Variants in EPB41L4B observed in about 807,000 individuals in gnomAD.
EPB41L4B encodes band 4.1-like protein 4B.
A neutral mutation model predicts 112.5 loss-of-function variants in EPB41L4B; 30 were observed. The ratio of observed to expected loss-of-function variants is 0.27; its 90% CI spans 0.20 to 0.36. EPB41L4B has a LOEUF of 0.36. Among genes scored for constraint, EPB41L4B ranks in the 10% least tolerant of loss-of-function variants. The probability of loss-of-function intolerance (pLI) is 1.00; values close to 1 mark genes in which losing one functional copy is unlikely to be tolerated. For synonymous variants in EPB41L4B, 408 were observed against 439.7 expected, an observed-to-expected ratio of 0.93 and a Z score of 0.90; for missense variants, 1,024 against 1,133.3, an observed-to-expected ratio of 0.90 and a Z score of 1.38.
intron 18 of EPB41L4B, among the ~76,000 whole-genome samples, chr9:109,206,809 T>C (rs894860687): frequency 1.3e-5 from 2 of 152,244 alleles, no homozygotes; most frequent in African/African-American, 4.8e-5. Context: ...AAACCTCATG[T>C]CTGCTTTGCC....
intron 12 of EPB41L4B, among the ~76,000 whole-genome samples, chr9:109,252,011 T>C (rs927706690): frequency 6.6e-6 from 1 of 152,106 alleles, no homozygotes; most frequent in Non-Finnish European, 1.5e-5. Context: ...ATTAAAAGCT[T>C]GACAAAGAAG....
intron 1 of EPB41L4B, among the ~76,000 whole-genome samples, chr9:109,310,460 T>A (rs1251312543): frequency 2.0e-5 from 3 of 152,188 alleles, no homozygotes; most frequent in Admixed American, 2.0e-4. Flanking sequence ...TTGTGTTATT[T>A]CTCTAAAACT....
chr9:109,297,424 C>T (rs1045729556), intron 1 of EPB41L4B, among the ~76,000 whole-genome samples: 2 of 152,246 alleles, frequency 1.3e-5, no homozygotes, highest in Non-Finnish European at 2.9e-5. Context: ...GGCTCCACTA[C>T]TTACAACCAG....
chr9:109,227,120 G>A (rs1259206219), intron 15 of EPB41L4B, among the ~76,000 whole-genome samples: 9 of 152,094 alleles, frequency 5.9e-5, no homozygotes, highest in Admixed American at 2.0e-4. Flanking sequence ...TTACAGGCAT[G>A]AGCCTCTGTG....
intron 24 of EPB41L4B, among the ~76,000 whole-genome samples, chr9:109,178,661 C>T (rs1258907591): frequency 1.3e-5 from 2 of 151,970 alleles, no homozygotes; most frequent in South Asian, 2.1e-4. Flanking sequence ...AGGCTGGTCT[C>T]GAACTCCTGA....
At chr9:109,309,475 G>A (rs758384165) in intron 1 of EPB41L4B, among the ~76,000 whole-genome samples, 40 of 152,158 alleles carry the variant, frequency 2.6e-4, no homozygotes, top group African/African-American at 6.3e-4. Flanking sequence ...GAAGCGGAAC[G>A]GGATACGGGA....
Position 109,194,303 on chromosome 9 carries a change from C to T in EPB41L4B, c.2140G>A (p.Val714Met), listed in dbSNP as rs201636849. 2.0e-5 allele frequency: 33 copies of T among 1,614,028 alleles called. No homozygotes were observed. Among genetic ancestry groups the T allele is most frequent in the East Asian group, 6.7e-5 (3 of 44,900 alleles). The change falls in exon 21 of 26, where the codon GTG (valine) becomes ATG (methionine). Residue 714 changes from valine (V) to methionine (M), a missense_variant. Transcript: ENST00000374566. Reference protein sequence around the residue: ...NTTTAATQVSVPLPSPKVQNV... With the variant: ...NTTTAATQVSMPLPSPKVQNV... ...TGGACCTTGGGGGACGGCAGCGGCA[C>T]GGAGACTTGTGTGGCGGCCGTTGTG... is the stretch of plus-strand genomic sequence containing the variant.
chr9:109,198,154 C>G (rs1832708413), intron 20 of EPB41L4B, among the ~76,000 whole-genome samples: 1 of 152,284 alleles, frequency 6.6e-6, no homozygotes, highest in African/African-American at 2.4e-5. Context: ...TTAATATCCC[C>G]CATACATGCC....
chr9:109,311,447 A>G (rs1837409665), intron 1 of EPB41L4B, among the ~76,000 whole-genome samples: 1 of 152,170 alleles, frequency 6.6e-6, no homozygotes, highest in African/African-American at 2.4e-5. Context: ...GCTGCAGGGT[A>G]GACCATTCCA....
At chr9:109,261,160 C>A (rs1341575379) in intron 6 of EPB41L4B, among the ~76,000 whole-genome samples, 3 of 152,202 alleles carry the variant, frequency 2.0e-5, no homozygotes, top group African/African-American at 7.2e-5. Context: ...CCAAGCCATG[C>A]CTGTCGTTAT....
At chr9:109,242,210 A>G (rs1834376021) in intron 15 of EPB41L4B, among the ~76,000 whole-genome samples, 1 of 152,232 alleles carries the variant, frequency 6.6e-6, no homozygotes. Flanking sequence ...TTCATGGGGT[A>G]TCTTTGTAGA....
At chr9:109,195,072 C>T (rs951859048) in intron 20 of EPB41L4B, among the ~76,000 whole-genome samples, 2 of 152,216 alleles carry the variant, frequency 1.3e-5, no homozygotes, top group African/African-American at 4.8e-5. Flanking sequence ...ACTCTTTTGG[C>T]TATTATAAAT....
intron 22 of EPB41L4B, among the ~76,000 whole-genome samples, chr9:109,190,365 G>A (rs1200499483): frequency 6.6e-6 from 1 of 152,214 alleles, no homozygotes; most frequent in African/African-American, 2.4e-5. Flanking sequence ...GCCCGTAAAG[G>A]GCTGCTTCCT....
chr9:109,249,037 C>T (rs1173994859), intron 13 of EPB41L4B, among the ~76,000 whole-genome samples: 5 of 134,600 alleles, frequency 3.7e-5, no homozygotes, highest in Non-Finnish European at 6.2e-5. Flanking sequence ...CTAGCCTGGG[C>T]GACAGAGCGA....
In EPB41L4B at chr9:109,299,968, G is replaced by C. The variant is rs192034495; in HGVS notation, c.307-20047C>G. 6.2e-3 allele frequency among the ~76,000 whole-genome samples: 937 copies of C among 152,292 alleles called. 11 individuals carry two copies. The highest frequency in any genetic ancestry group is 0.031 in the Middle Eastern group (9 of 294). On this transcript the variant is annotated intron_variant, in intron 1 of 25. Transcript: ENST00000374566. ...CACTGCCATAACACAACCCTACGGT[G>C]AACAGAAATAACACCCAAGTGGATT...
intron 16 of EPB41L4B, 120 bp downstream of exon 16, chr9:109,216,802 C>T: frequency 9.7e-7 from 1 of 1,030,290 alleles, no homozygotes; most frequent in Non-Finnish European, 1.5e-6. Context: ...GGTAGCCCAG[C>T]ATAACATGAC....
At chr9:109,257,983 G>T (rs59358458) in intron 7 of EPB41L4B, among the ~76,000 whole-genome samples, 194 bp downstream of exon 7, 2 of 152,156 alleles carry the variant, frequency 1.3e-5, no homozygotes, top group African/African-American at 4.8e-5. Context: ...GCAACAGAGC[G>T]AGACTCTCTC....
At chr9:109,184,753 A>C (rs1832194865) in intron 23 of EPB41L4B, among the ~76,000 whole-genome samples, 1 of 152,244 alleles carries the variant, frequency 6.6e-6, no homozygotes, top group Admixed American at 6.5e-5. Flanking sequence ...GTATAGCCTA[A>C]GAAAATAAAA....
intron 1 of EPB41L4B, among the ~76,000 whole-genome samples, chr9:109,301,892 G>C (rs923427677): frequency 5.9e-5 from 9 of 152,196 alleles, no homozygotes; most frequent in Admixed American, 5.9e-4. Flanking sequence ...GACTGAGCAA[G>C]ACCCTGTCTC....
Sources: gnomAD v4.1 joint callset for allele counts (sites outside exome capture counted in the v4.1 genomes callset) on GRCh38, gnomAD v4.1.1 for gene constraint, MANE v1.5 for transcripts, NCBI Gene and HGNC (gene_info 2026-07-23, HGNC 2026-07-21) for gene names.